The following PML variants were observed in gnomAD, a reference collection of about 807,000 sequenced individuals.
PML encodes the protein PML nuclear body scaffold.
A neutral mutation model predicts 65.2 loss-of-function variants in PML; 28 were observed. The ratio of observed to expected loss-of-function variants is 0.43; its 90% CI spans 0.32 to 0.59. The LOEUF (loss-of-function observed/expected upper bound fraction) is 0.59, where lower values mean the gene tolerates loss of function less well. PML is among the 20% of genes least tolerant of loss of function. The pLI, the probability that PML is intolerant of heterozygous loss-of-function variation, is 0.08. For synonymous variants in PML, 500 were observed against 508.8 expected, an observed-to-expected ratio of 0.98 and a Z score of 0.23; for missense variants, 1,021 against 1,203.4, an observed-to-expected ratio of 0.85 and a Z score of 2.24.
Position 73,998,351 on chromosome 15 carries a change from C to T in PML, c.477C>T (p.Leu159=), listed in dbSNP as rs374283665. 215 of 1,614,102 alleles carry T rather than the reference C, an allele frequency of 1.3e-4. No individual in the cohort carries two copies. The highest frequency in any genetic ancestry group is 1.7e-4 in the Non-Finnish European group (204 of 1,180,054). Residue 159 remains leucine, a synonymous_variant, in exon 2 of 9, where the codon CTC becomes CTT. Transcript: ENST00000268058. ...AKCFEAHQWF[L]KHEARPLAEL... is the part of the protein sequence containing the mutation. ...GCTTCGAGGCACACCAGTGGTTCCT[C>T]AAGCACGAGGCCCGGCCCCTAGCAG...
At chr15:74,024,559 G>A (rs185050863) in intron 3 of PML, among the ~76,000 whole-genome samples, 28 of 152,280 alleles carry the variant, frequency 1.8e-4, no homozygotes, top group Middle Eastern at 3.4e-3. Flanking sequence ...TTATGATTGC[G>A]CACACTTAGC....
Position 73,994,898 on chromosome 15 carries a change from C to T in PML, c.86C>T (p.Pro29Leu), listed in dbSNP as rs959506424. The T allele has an allele frequency of 6.4e-7, 1 of 1,550,994 alleles. No individual in the cohort carries two copies. Among genetic ancestry groups the T allele is most frequent in the Non-Finnish European group, 8.7e-7 (1 of 1,146,474 alleles). ...CCCACCATGCCTCCCCCCGAGACCC[C>T]CTCTGAAGGCCGCCAGCCCAGCCCC... ...QEPTMPPPET[P>L]SEGRQPSPSP... The change falls in exon 1 of 9, where the codon CCC becomes CTC. Residue 29 changes from proline to leucine, a missense_variant. By Grantham distance (98) the Pro-to-Leu change is moderately conservative. Coordinates refer to ENST00000268058, the MANE Select transcript of PML (RefSeq NM_033238.3).
In PML at chr15:74,045,922, C is replaced by T; in HGVS notation, c.*914C>T. ...TGGGGCCCAGCAGTCTGTGTTTTAACAGGTTCTCCCGGTGATGCTGGTGCA... is the reference window on the plus strand; with the variant it reads ...TGGGGCCCAGCAGTCTGTGTTTTAATAGGTTCTCCCGGTGATGCTGGTGCA... On this transcript the variant is annotated 3_prime_UTR_variant, in exon 9 of 9. Transcript: ENST00000268058. 4.3e-6 allele frequency: 1 copy of T among 232,366 alleles called. No individual in the cohort carries two copies. Among genetic ancestry groups the T allele is most frequent in the Non-Finnish European group, 8.5e-6 (1 of 117,468 alleles). The allele number at this position is 232,366 out of a possible 1,614,324, so 14.4% of individuals were successfully genotyped here.
intron 2 of PML, among the ~76,000 whole-genome samples, chr15:74,000,115 G>A (rs564863154): frequency 1.1e-3 from 167 of 152,172 alleles, no homozygotes; most frequent in African/African-American, 3.8e-3. Flanking sequence ...ACAGGCATGA[G>A]CCACCATGCC....
chr15:74,036,088 T>C (rs917346558), intron 7 of PML: 3 of 1,613,688 alleles, frequency 1.9e-6, no homozygotes, highest in Admixed American at 3.3e-5. Flanking sequence ...AATCAACGAA[T>C]GAATGGCTAT....
chr15:74,024,752 A>C (rs1051515756), intron 3 of PML, 105 bp from the exon 4 acceptor site: 1 of 843,730 alleles, frequency 1.2e-6, no homozygotes, highest in Non-Finnish European at 2.1e-6. Flanking sequence ...GAAAATAGGT[A>C]TCCTGGAAAA....
chr15:74,004,028 T>C (rs544825956), intron 2 of PML, among the ~76,000 whole-genome samples: 25 of 152,340 alleles, frequency 1.6e-4, no homozygotes, highest in African/African-American at 5.8e-4. Flanking sequence ...GTCTCTGGTG[T>C]TGTAGATGAG....
At chr15:74,038,320 A>G (rs149160792) in intron 7 of PML, among the ~76,000 whole-genome samples, 2 of 151,986 alleles carry the variant, frequency 1.3e-5, no homozygotes, top group East Asian at 3.9e-4. Context: ...ATGCTCAGCT[A>G]TCAGCAAGGA....
rs555454203 is a variant in PML, at chr15:74,042,261, G to T, written c.1711-728G>T. ...CCCAAAACTCAGGTTTCTCTAAGCT[G>T]CTGGGGCAGATGCCAAGAGCCTCCA... On this transcript the variant is annotated intron_variant, in intron 7 of 8. Coordinates refer to ENST00000268058, the MANE Select transcript of PML (RefSeq NM_033238.3). The surrounding 1 kb of genome is among the most constrained non-coding windows in gnomAD (Gnocchi z 5.3). The T allele has an allele frequency of 8.0e-6, 5 of 627,734 alleles. No homozygotes were observed. In the Admixed American group the frequency reaches 1.9e-4, roughly 24 times the overall value. The allele number at this position is 627,734 out of a possible 1,614,324, so 38.9% of individuals were successfully genotyped here. A position where few individuals can be genotyped will look rare whatever the true frequency, so the allele number is the denominator to read the frequency against.
chr15:74,030,022 G>T (rs1199604919), intron 4 of PML, among the ~76,000 whole-genome samples: 1 of 152,162 alleles, frequency 6.6e-6, no homozygotes, highest in African/African-American at 2.4e-5. Flanking sequence ...CCATGAGAAG[G>T]ACCCACCGCG....
Position 74,024,681 on chromosome 15 carries a change from C to T in PML, c.1184-176C>T, listed in dbSNP as rs183792293. 3.8e-3 allele frequency among the ~76,000 whole-genome samples: 582 copies of T among 152,302 alleles called. 5 individuals carry two copies. Among genetic ancestry groups the T allele is most frequent in the African/African-American group, 0.013 (540 of 41,568 alleles). On this transcript the variant is annotated intron_variant, in intron 3 of 8. Coordinates refer to ENST00000268058, the MANE Select transcript of PML (RefSeq NM_033238.3). The stretch of plus-strand genomic sequence containing the variant: ...TGGCTGGGTTCCTGCCCACTGCATT[C>T]GAGAGAGCTCTCCTTCCAGCTGCCC...
At position 73,998,309 on chromosome 15, in the gene PML, G is replaced by A. The variant is rs1567115747; in HGVS notation, c.435G>A (p.Gln145=). 1 of 1,614,206 alleles carries A rather than the reference G, an allele frequency of 6.2e-7. No homozygotes were observed. The highest frequency in any genetic ancestry group is 8.5e-7 in the Non-Finnish European group (1 of 1,180,036). The change falls in exon 2 of 9, where the codon CAG becomes CAA. Residue 145 remains glutamine, a synonymous_variant. Coordinates refer to ENST00000268058, the MANE Select transcript of PML (RefSeq NM_033238.3). The stretch of plus-strand genomic sequence containing the variant: ...ACTTCTGGTGCTTTGAGTGCGAGCA[G>A]CTCCTCTGCGCCAAGTGCTTCGAGG... ...SADFWCFECE[Q]LLCAKCFEAH...
chr15:74,043,317 T>C lies in PML; in HGVS notation c.1861+178T>C. 1 of 1,476,074 alleles carries C rather than the reference T, an allele frequency of 6.8e-7. No individual in the cohort carries two copies. Among genetic ancestry groups the C allele is most frequent in the Non-Finnish European group, 8.9e-7 (1 of 1,120,840 alleles). The allele number at this position is 1,476,074 out of a possible 1,614,324, so 91.4% of individuals were successfully genotyped here. A position where few individuals can be genotyped will look rare whatever the true frequency, so the allele number is the denominator to read the frequency against. ...GGCTCCTGGCGTGTCATTTGCTGGC[T>C]TGAATAAAGATGTCCGCCTTATCCA... On this transcript the variant is annotated intron_variant, in intron 8 of 8. Transcript: ENST00000268058. The surrounding 1 kb of genome is among the most constrained non-coding windows in gnomAD (Gnocchi z 4.3).
Position 74,023,104 on chromosome 15 carries a change from G to C in PML, c.879G>C (p.Gln293His). Reference protein sequence around the residue: ...VRQVVAHVRAQERELLEAVDA... With the variant: ...VRQVVAHVRAHERELLEAVDA... ...AGGTGGTAGCTCACGTGCGGGCTCA[G>C]GAGCGCGAGCTGCTGGAGGCTGTGG... The change falls in exon 3 of 9, where the codon CAG (glutamine) becomes CAC (histidine). Residue 293 changes from glutamine to histidine, a missense_variant. Physicochemically the swap from Gln to His is conservative, Grantham distance 24. Transcript: ENST00000268058. 1 of 1,603,466 alleles carries C rather than the reference G, an allele frequency of 6.2e-7. No individual in the cohort carries two copies.
chr15:74,019,528 C>T (rs2070742135), intron 2 of PML, among the ~76,000 whole-genome samples: 1 of 152,178 alleles, frequency 6.6e-6, no homozygotes, highest in African/African-American at 2.4e-5. Flanking sequence ...TTACTCTACC[C>T]TCATTCCACC....
At chr15:74,005,580 TC>T (rs200083540) in intron 2 of PML, among the ~76,000 whole-genome samples, 5 of 137,178 alleles carry the variant, frequency 3.6e-5, no homozygotes, top group Admixed American at 1.6e-4. Flanking sequence ...TGGGTTTTTT[TC>T]CCCCCAGCAA....
At chr15:74,036,512 C>G in intron 7 of PML, 1 of 1,090,230 alleles carries the variant, frequency 9.2e-7, no homozygotes, top group South Asian at 2.2e-5. Flanking sequence ...TACCATGTCC[C>G]CTCTTCCTCC....
At chr15:74,033,680 C>A in intron 6 of PML, 1 of 651,484 alleles carries the variant, frequency 1.5e-6, no homozygotes, top group South Asian at 1.7e-5. Flanking sequence ...ACTACTGTGC[C>A]TTTGCACAGG....
At chr15:74,007,655 G>A (rs1304793386) in intron 2 of PML, among the ~76,000 whole-genome samples, 3 of 152,172 alleles carry the variant, frequency 2.0e-5, no homozygotes, top group African/African-American at 7.2e-5. Context: ...TTTAAACCTG[G>A]GACTCGGGGT....
Sources: allele counts gnomAD v4.1 joint callset (sites outside exome capture counted in the v4.1 genomes callset), GRCh38; gene constraint gnomAD v4.1.1; non-coding constraint Gnocchi (gnomAD v3.1); transcripts MANE v1.5; gene names NCBI Gene and HGNC (gene_info 2026-07-23, HGNC 2026-07-21).